ATE1: variants seen among roughly 807,000 people sequenced by gnomAD.
The protein encoded by ATE1 is arginyl-tRNA--protein transferase 1.
In ATE1, 36 loss-of-function variants were observed where a neutral mutation model predicts 70.5. The observed-to-expected ratio is 0.51, with a 90% CI of 0.39 to 0.67. The LOEUF is 0.67. Among genes scored for constraint, ATE1 ranks in the 30% least tolerant of loss-of-function variants. The probability of loss-of-function intolerance (pLI) is 0.00; values close to 1 mark genes in which losing one functional copy is unlikely to be tolerated. For synonymous variants in ATE1, 232 were observed against 219.3 expected (o/e 1.06, Z -0.51); for missense variants, 593 against 629.5 (o/e 0.94, Z 0.62).
chr10:121,915,550 C>A (rs1951614751), intron 3 of ATE1, among the ~76,000 whole-genome samples: 1 of 152,132 alleles, frequency 6.6e-6, no homozygotes, highest in South Asian at 2.1e-4. Context: ...TAAAAACAGA[C>A]ACATAGCCAA....
chr10:121,883,670 T>C (rs151109353), intron 7 of ATE1, among the ~76,000 whole-genome samples: 1 of 152,300 alleles, frequency 6.6e-6, no homozygotes, highest in Non-Finnish European at 1.5e-5. Context: ...TTAGAGTACA[T>C]AATATCTCAG....
intron 8 of ATE1, among the ~76,000 whole-genome samples, chr10:121,868,892 A>G (rs1462699515): frequency 6.6e-6 from 1 of 152,194 alleles, no homozygotes; most frequent in Admixed American, 6.5e-5. Flanking sequence ...CATTATCAGC[A>G]ATAATAGTTT....
At chr10:121,879,794 T>C (rs1289106847) in intron 7 of ATE1, among the ~76,000 whole-genome samples, 1 of 152,188 alleles carries the variant, frequency 6.6e-6, no homozygotes, top group African/African-American at 2.4e-5. Flanking sequence ...TAAAAACCTG[T>C]CCCCTTCTTG....
chr10:121,773,288 T>C (rs1398641594), intron 11 of ATE1, among the ~76,000 whole-genome samples: 1 of 152,222 alleles, frequency 6.6e-6, no homozygotes, highest in African/African-American at 2.4e-5. Flanking sequence ...TGAAAAGGTG[T>C]AGGAGACCCT....
At chr10:121,843,278 CA>C (rs1948698045) in intron 8 of ATE1, among the ~76,000 whole-genome samples, 1 of 152,012 alleles carries the variant, frequency 6.6e-6, no homozygotes, top group African/African-American at 2.4e-5. Flanking sequence ...AAAACTCCGA[CA>C]AAAGGAATCA....
At chr10:121,807,625 T>A (rs1947149730) in intron 10 of ATE1, among the ~76,000 whole-genome samples, 1 of 152,214 alleles carries the variant, frequency 6.6e-6, no homozygotes, top group South Asian at 2.1e-4. Flanking sequence ...AATTTAGATA[T>A]TCAATAAATT....
At chr10:121,771,054 C>T (rs932381654) in intron 11 of ATE1, among the ~76,000 whole-genome samples, 1 of 152,124 alleles carries the variant, frequency 6.6e-6, no homozygotes, top group Non-Finnish European at 1.5e-5. Context: ...AAGTTACACA[C>T]AACCATCTCT....
intron 10 of ATE1, among the ~76,000 whole-genome samples, chr10:121,836,237 C>T (rs1225046535): frequency 6.6e-6 from 1 of 152,160 alleles, no homozygotes; most frequent in Admixed American, 6.5e-5. Flanking sequence ...ACTGTATACC[C>T]TGGTTTGATG....
At chr10:121,913,345 T>G (rs1951519844) in intron 4 of ATE1, among the ~76,000 whole-genome samples, 1 of 152,252 alleles carries the variant, frequency 6.6e-6, no homozygotes, top group Non-Finnish European at 1.5e-5. Context: ...TATAATTTAC[T>G]GAAGTAAAGC....
intron 11 of ATE1, among the ~76,000 whole-genome samples, chr10:121,761,035 CTAT>C (rs1945018230): frequency 6.6e-6 from 1 of 152,142 alleles, no homozygotes; most frequent in Non-Finnish European, 1.5e-5. Context: ...AGTTCTCATT[CTAT>C]TAGTTCCCAC....
intron 10 of ATE1, among the ~76,000 whole-genome samples, chr10:121,831,202 A>G (rs906017191): frequency 6.6e-6 from 1 of 152,216 alleles, no homozygotes; most frequent in African/African-American, 2.4e-5. Context: ...TCCAGTGAAC[A>G]TTGTTAGATA....
intron 11 of ATE1, among the ~76,000 whole-genome samples, chr10:121,776,325 T>C (rs10886980): frequency 0.84 from 126,850 of 151,144 alleles, 53,816 homozygotes; most frequent in Non-Finnish European, 0.91. Context: ...CTCCCCACCA[T>C]CCTGCCCAAA....
rs138639040 is a variant in ATE1, at chr10:121,876,442, C to T, written c.943-6404G>A. Among the ~76,000 whole-genome samples, 1,081 of 151,684 alleles carry T rather than the reference C, an allele frequency of 7.1e-3. 24 individuals are homozygous for T. The highest frequency in any genetic ancestry group is 0.025 in the African/African-American group (1,019 of 40,984). ...GTTATTCACTAATATCTACCTCCTACGTTCACTATAATAATCATCATATAT... is the reference window on the plus strand; with the variant it reads ...GTTATTCACTAATATCTACCTCCTATGTTCACTATAATAATCATCATATAT... On this transcript the variant is annotated intron_variant, in intron 7 of 11. Transcript: ENST00000224652.
rs966966765 is a variant in ATE1, at chr10:121,741,687, T to G, written c.*1993A>C. 11 of 152,340 alleles carry G rather than the reference T, an allele frequency of 7.2e-5. No homozygotes were observed. The highest frequency in any genetic ancestry group is 1.3e-4 in the Non-Finnish European group (9 of 68,036). The allele number at this position is 152,340 out of a possible 1,614,324, so 9.4% of individuals were successfully genotyped here. A position where few individuals can be genotyped will look rare whatever the true frequency, so the allele number is the denominator to read the frequency against. On this transcript the variant is annotated 3_prime_UTR_variant, in exon 12 of 12. Transcript: ENST00000224652. ...AGTACCAGCCCTACCCTGCTTATTT[T>G]TAATAATGCAGAGATTACTTACTAC...
intron 10 of ATE1, among the ~76,000 whole-genome samples, chr10:121,799,094 C>T (rs1006338602): frequency 2.0e-5 from 3 of 152,002 alleles, no homozygotes; most frequent in African/African-American, 4.8e-5. Context: ...CCTTAAAAAT[C>T]ACAACTCAGT....
chr10:121,754,419 T>A (rs1253174271), intron 11 of ATE1, among the ~76,000 whole-genome samples: 1 of 152,218 alleles, frequency 6.6e-6, no homozygotes, highest in African/African-American at 2.4e-5. Flanking sequence ...TGAGTCACCC[T>A]GAAAAGGCTC....
chr10:121,869,378 A>T (rs539207755), intron 8 of ATE1, among the ~76,000 whole-genome samples: 48 of 152,332 alleles, frequency 3.2e-4, no homozygotes, highest in African/African-American at 1.0e-3. Context: ...GTTTTTCTGC[A>T]AATGCAGCTC....
At chr10:121,927,333 T>A (rs1952135512) in intron 1 of ATE1, 5 of 984,956 alleles carry the variant, frequency 5.1e-6, no homozygotes, top group East Asian at 1.1e-4. Context: ...TGTCCTTTTT[T>A]TTTTTAACTT....
At chr10:121,787,679 GAAAAGAAC>G in intron 11 of ATE1, among the ~76,000 whole-genome samples, 1 of 152,190 alleles carries the variant, frequency 6.6e-6, no homozygotes, top group East Asian at 1.9e-4. Context: ...CTAGTTACAG[GAAAAGAAC>G]ATACAATATA....
Sources: allele counts gnomAD v4.1 joint callset (sites outside exome capture counted in the v4.1 genomes callset), GRCh38; gene constraint gnomAD v4.1.1; transcripts MANE v1.5; gene names NCBI Gene and HGNC (gene_info 2026-07-23, HGNC 2026-07-21).